The following SLCO2A1 variants were observed in gnomAD, a reference collection of about 807,000 sequenced individuals.
The protein encoded by SLCO2A1 is solute carrier organic anion transporter family member 2A1, also known as matrin F/G 1.
Under a neutral mutation model 71.7 loss-of-function variants are expected in SLCO2A1, and 60 were observed. The ratio of observed to expected loss-of-function variants is 0.84; its 90% confidence interval spans 0.68 to 1.04. The LOEUF is 1.04. Among genes scored for constraint, SLCO2A1 ranks in the 50% least tolerant of loss-of-function variants. The pLI is 0.00. For synonymous variants in SLCO2A1, 308 were observed against 326.7 expected (o/e 0.94, Z 0.62); for missense variants, 745 against 813.4 (o/e 0.92, Z 1.02).
chr3:134,015,906 T>C (rs1185087748), intron 1 of SLCO2A1, among the ~76,000 whole-genome samples: 1 of 151,938 alleles, frequency 6.6e-6, no homozygotes, highest in Non-Finnish European at 1.5e-5. Context: ...AAAGGTGCAA[T>C]GGCAACTCAA....
At chr3:133,981,486 G>C (rs941411524) in intron 1 of SLCO2A1, among the ~76,000 whole-genome samples, 1 of 152,186 alleles carries the variant, frequency 6.6e-6, no homozygotes, top group African/African-American at 2.4e-5. Context: ...GGAGGTGGGA[G>C]TGCCTTTGAA....
intron 6 of SLCO2A1, among the ~76,000 whole-genome samples, chr3:133,950,046 G>T (rs1933699468): frequency 6.6e-6 from 1 of 151,912 alleles, no homozygotes; most frequent in Non-Finnish European, 1.5e-5. Flanking sequence ...TGTTGCCCAG[G>T]GTGGTCTTGA....
intron 3 of SLCO2A1, among the ~76,000 whole-genome samples, chr3:133,957,913 G>C (rs1316953773): frequency 6.6e-6 from 1 of 152,196 alleles, no homozygotes; most frequent in African/African-American, 2.4e-5. Flanking sequence ...AGAAGACTAT[G>C]GTTCCAAAAA....
intron 1 of SLCO2A1, among the ~76,000 whole-genome samples, chr3:133,989,768 T>C (rs138332362): frequency 5.9e-5 from 9 of 152,224 alleles, no homozygotes; most frequent in Non-Finnish European, 1.3e-4. Flanking sequence ...CTCAAAATAA[T>C]ACACTTGTTC....
intron 1 of SLCO2A1, among the ~76,000 whole-genome samples, chr3:133,992,432 T>C (rs1934874779): frequency 6.6e-6 from 1 of 152,204 alleles, no homozygotes; most frequent in East Asian, 1.9e-4. Flanking sequence ...AAGCTTTGTA[T>C]TGTGGCTGTG....
intron 9 of SLCO2A1, 50 bp from the exon 10 acceptor site, chr3:133,945,310 A>G (rs118178246): frequency 6.5e-7 from 1 of 1,547,242 alleles, no homozygotes; most frequent in East Asian, 2.3e-5. Flanking sequence ...GACCAAAGAA[A>G]AACCCTACAC....
intron 1 of SLCO2A1, among the ~76,000 whole-genome samples, chr3:134,006,448 T>G (rs909943642): frequency 2.6e-5 from 4 of 152,148 alleles, no homozygotes; most frequent in Non-Finnish European, 4.4e-5. Flanking sequence ...AAACTGAGAC[T>G]CTATACCCCT....
At chr3:134,000,888 T>G (rs957588902) in intron 1 of SLCO2A1, among the ~76,000 whole-genome samples, 3 of 152,222 alleles carry the variant, frequency 2.0e-5, no homozygotes, top group African/African-American at 7.2e-5. Context: ...CTTGTTAAAC[T>G]CTGCACATCT....
At chr3:134,021,942 G>A (rs1935588772) in intron 1 of SLCO2A1, among the ~76,000 whole-genome samples, 1 of 150,526 alleles carries the variant, frequency 6.6e-6, no homozygotes, top group African/African-American at 2.4e-5. Flanking sequence ...ACCCGCAGAT[G>A]GCCCAAATGC....
intron 1 of SLCO2A1, among the ~76,000 whole-genome samples, chr3:133,990,029 C>T (rs9857498): frequency 0.12 from 18,433 of 152,266 alleles, 1,380 homozygotes; most frequent in Non-Finnish European, 0.16. Context: ...TTGTGTTTTC[C>T]GTGGGGTAAA....
intron 1 of SLCO2A1, among the ~76,000 whole-genome samples, chr3:133,991,514 T>C (rs1559949349): frequency 6.6e-6 from 1 of 152,270 alleles, no homozygotes; most frequent in Non-Finnish European, 1.5e-5. Flanking sequence ...AAGTTGGTGA[T>C]ATTCCTCATA....
intron 1 of SLCO2A1, among the ~76,000 whole-genome samples, chr3:134,011,789 TTA>T (rs1160746764): frequency 2.0e-5 from 3 of 152,164 alleles, no homozygotes; most frequent in Non-Finnish European, 4.4e-5. Flanking sequence ...TGTTGTCCTT[TTA>T]GAGGCTGGAG....
intron 1 of SLCO2A1, among the ~76,000 whole-genome samples, chr3:134,016,111 A>G (rs1173141458): frequency 1.3e-5 from 2 of 152,214 alleles, no homozygotes; most frequent in East Asian, 3.8e-4. Context: ...AATCATTCGG[A>G]AACTAAGGTT....
intron 1 of SLCO2A1, among the ~76,000 whole-genome samples, chr3:133,999,733 G>A (rs964140007): frequency 2.0e-5 from 3 of 152,170 alleles, no homozygotes; most frequent in Non-Finnish European, 4.4e-5. Flanking sequence ...CTAGTCCTAG[G>A]AGACAAGATG....
At chr3:133,964,468 T>C (rs1235899899) in intron 3 of SLCO2A1, among the ~76,000 whole-genome samples, 1 of 152,176 alleles carries the variant, frequency 6.6e-6, no homozygotes, top group African/African-American at 2.4e-5. Flanking sequence ...AGACAGGCAA[T>C]GTTGCCCAGG....
chr3:133,995,359 CCT>C (rs1390630921), intron 1 of SLCO2A1, among the ~76,000 whole-genome samples: 3 of 152,210 alleles, frequency 2.0e-5, no homozygotes, highest in African/African-American at 4.8e-5. Flanking sequence ...TACTCCTCCC[CCT>C]GTCACTGAGC....
chr3:134,027,538 G>A (rs1302487644), intron 1 of SLCO2A1, among the ~76,000 whole-genome samples: 1 of 152,220 alleles, frequency 6.6e-6, no homozygotes, highest in Non-Finnish European at 1.5e-5. Flanking sequence ...CACTCGGGGA[G>A]CTCAGCTCTT....
intron 10 of SLCO2A1, among the ~76,000 whole-genome samples, chr3:133,943,197 T>C (rs1933479691): frequency 1.3e-5 from 2 of 152,188 alleles, no homozygotes; most frequent in Admixed American, 1.3e-4. Flanking sequence ...GGGAACACAG[T>C]GGAATTCCCT....
intron 3 of SLCO2A1, among the ~76,000 whole-genome samples, chr3:133,956,967 A>C (rs1933913537): frequency 6.6e-6 from 1 of 152,244 alleles, no homozygotes; most frequent in Non-Finnish European, 1.5e-5. Flanking sequence ...TTGTGTTAAA[A>C]GAAATACTTT....
Sources: allele counts gnomAD v4.1 joint callset (sites outside exome capture counted in the v4.1 genomes callset), GRCh38; gene constraint gnomAD v4.1.1; transcripts MANE v1.5; gene names NCBI Gene and HGNC (gene_info 2026-07-23, HGNC 2026-07-21).